The following CDH13 variants were observed in gnomAD, a reference collection of about 807,000 sequenced individuals.
CDH13 encodes the protein cadherin-13.
In CDH13, 24 loss-of-function variants were observed where a neutral mutation model predicts 63.8. That is an observed-to-expected ratio of 0.38 (90% CI 0.27 to 0.53). The LOEUF is 0.53. Ranked by LOEUF, CDH13 falls within the 20% of genes least tolerant of loss-of-function variation. The pLI, the probability that CDH13 is intolerant of heterozygous loss-of-function variation, is 0.85. For missense variants in CDH13, 1,049 were observed against 903.1 expected (o/e 1.16, Z -2.07); for synonymous variants, 503 against 355.3 (o/e 1.42, Z -4.67).
chr16:83,277,742 T>C (rs2089037566), intron 5 of CDH13, among the ~76,000 whole-genome samples: 1 of 152,210 alleles, frequency 6.6e-6, no homozygotes, highest in Admixed American at 6.5e-5. Context: ...CTTTCTACTA[T>C]ATTTTCTTTT....
intron 1 of CDH13, among the ~76,000 whole-genome samples, chr16:82,756,212 A>G (rs1227983070): frequency 6.6e-6 from 1 of 152,190 alleles, no homozygotes; most frequent in Non-Finnish European, 1.5e-5. Flanking sequence ...CTAAGCAAAA[A>G]ACTACAGTCT....
intron 1 of CDH13, among the ~76,000 whole-genome samples, chr16:82,673,185 C>T (rs1913498090): frequency 1.3e-5 from 2 of 151,794 alleles, no homozygotes; most frequent in African/African-American, 2.4e-5. Flanking sequence ...CAGTGTTCGA[C>T]GAAGCCCCGG....
At chr16:82,675,170 A>T (rs772868615) in intron 1 of CDH13, among the ~76,000 whole-genome samples, 42 of 152,340 alleles carry the variant, frequency 2.8e-4, no homozygotes, top group Non-Finnish European at 4.9e-4. Flanking sequence ...AAATGTGTAA[A>T]AGACACACTA....
intron 3 of CDH13, among the ~76,000 whole-genome samples, chr16:83,034,148 C>G (rs905812776): frequency 6.6e-6 from 1 of 152,122 alleles, no homozygotes; most frequent in African/African-American, 2.4e-5. Context: ...AAATAAGTGG[C>G]TCATGTGCCA....
intron 1 of CDH13, among the ~76,000 whole-genome samples, chr16:82,669,374 T>A (rs1244090365): frequency 6.6e-6 from 1 of 152,246 alleles, no homozygotes; most frequent in Non-Finnish European, 1.5e-5. Context: ...GCAGGTACAA[T>A]ATATCTTATC....
chr16:82,997,339 T>C (rs947342477), intron 2 of CDH13, among the ~76,000 whole-genome samples: 4 of 152,192 alleles, frequency 2.6e-5, no homozygotes, highest in African/African-American at 9.6e-5. Context: ...ACGTTTTCAC[T>C]AATTGTTGGC....
chr16:83,598,024 G>C (rs758630768), intron 7 of CDH13, among the ~76,000 whole-genome samples: 5 of 152,166 alleles, frequency 3.3e-5, no homozygotes, highest in African/African-American at 1.2e-4. Flanking sequence ...ACGACATTTA[G>C]ACAAGAAGTT....
At chr16:82,901,314 T>G (rs148331540) in intron 2 of CDH13, among the ~76,000 whole-genome samples, 11 of 147,152 alleles carry the variant, frequency 7.5e-5, no homozygotes, top group African/African-American at 2.8e-4. Context: ...GTGGAATAGA[T>G]AGTATTCTCC....
chr16:83,659,071 C>A (rs1229819207), intron 8 of CDH13, among the ~76,000 whole-genome samples: 1 of 147,282 alleles, frequency 6.8e-6, no homozygotes, highest in Non-Finnish European at 1.5e-5. Flanking sequence ...GTCCCATATC[C>A]TCACCAGCAA....
At chr16:83,458,918 C>A (rs537339299) in intron 6 of CDH13, among the ~76,000 whole-genome samples, 1 of 152,308 alleles carries the variant, frequency 6.6e-6, no homozygotes, top group Non-Finnish European at 1.5e-5. Context: ...TAGATATTGT[C>A]AAGAGAAGGG....
At chr16:83,253,352 C>T (rs60836760) in intron 5 of CDH13, among the ~76,000 whole-genome samples, 3 of 152,136 alleles carry the variant, frequency 2.0e-5, no homozygotes, top group African/African-American at 7.2e-5. Context: ...CAGAGCATTG[C>T]GTGAGTGTGG....
chr16:83,417,744 C>G (rs942533909), intron 6 of CDH13, among the ~76,000 whole-genome samples: 1 of 152,202 alleles, frequency 6.6e-6, no homozygotes, highest in African/African-American at 2.4e-5. Flanking sequence ...CAAGGCTCAG[C>G]AGACATGTAT....
At chr16:82,926,589 C>G (rs540806946) in intron 2 of CDH13, among the ~76,000 whole-genome samples, 83 of 152,328 alleles carry the variant, frequency 5.4e-4, no homozygotes, top group Middle Eastern at 3.4e-3. Flanking sequence ...GAAGTCTTCA[C>G]TAGATTCCTA....
chr16:83,026,704 G>T (rs1915836154), intron 2 of CDH13, among the ~76,000 whole-genome samples: 1 of 152,146 alleles, frequency 6.6e-6, no homozygotes, highest in Admixed American at 6.5e-5. Context: ...AAGGAGGTAT[G>T]GACTTGTACA....
At chr16:83,218,883 T>G (rs1357833957) in intron 5 of CDH13, among the ~76,000 whole-genome samples, 2 of 152,110 alleles carry the variant, frequency 1.3e-5, no homozygotes, top group Non-Finnish European at 2.9e-5. Context: ...TCTCATGAGA[T>G]CTGATGGTTT....
intron 3 of CDH13, among the ~76,000 whole-genome samples, chr16:83,063,185 C>G (rs896006131): frequency 4.6e-5 from 7 of 152,146 alleles, no homozygotes; most frequent in East Asian, 1.9e-4. Flanking sequence ...TGGCCTTGAA[C>G]TCTTGAACTC....
intron 5 of CDH13, among the ~76,000 whole-genome samples, chr16:83,312,481 C>T (rs2090022238): frequency 6.6e-6 from 1 of 152,184 alleles, no homozygotes; most frequent in African/African-American, 2.4e-5. Flanking sequence ...CTCCAACCAC[C>T]TTCAATTCAT....
chr16:83,660,851 A>AT (rs1913374245), intron 8 of CDH13, among the ~76,000 whole-genome samples: 2 of 152,104 alleles, frequency 1.3e-5, no homozygotes, highest in Non-Finnish European at 2.9e-5. Flanking sequence ...ATTTTCTTTC[A>AT]TTTTTTAAAG....
intron 8 of CDH13, among the ~76,000 whole-genome samples, chr16:83,659,918 C>T (rs924805450): frequency 3.6e-4 from 54 of 151,792 alleles, no homozygotes; most frequent in African/African-American, 1.1e-3. Flanking sequence ...TCCCAAGTAG[C>T]GGGGACTACA....
Sources: allele counts gnomAD v4.1 joint callset (sites outside exome capture counted in the v4.1 genomes callset), GRCh38; gene constraint gnomAD v4.1.1; transcripts MANE v1.5; gene names NCBI Gene and HGNC (gene_info 2026-07-23, HGNC 2026-07-21).